Variants in PCDH9 observed in about 807,000 individuals in gnomAD.
PCDH9 encodes the protein protocadherin-9.
Under a neutral mutation model 70.6 loss-of-function variants are expected in PCDH9, and 24 were observed. The ratio of observed to expected loss-of-function variants is 0.34; its 90% CI spans 0.25 to 0.48. The LOEUF (loss-of-function observed/expected upper bound fraction) is 0.48, where lower values mean the gene tolerates loss of function less well. Among genes scored for constraint, PCDH9 ranks in the 20% least tolerant of loss-of-function variants. The probability of loss-of-function intolerance (pLI) is 0.99; values close to 1 mark genes in which losing one functional copy is unlikely to be tolerated. For missense variants in PCDH9, 1,281 were observed against 1,503.6 expected, an observed-to-expected ratio of 0.85 and a Z score of 2.45; for synonymous variants, 562 against 558.5, an observed-to-expected ratio of 1.01 and a Z score of -0.09.
In PCDH9 at chr13:66,304,714, G is replaced by T; in HGVS notation, c.3655C>A (p.Leu1219Met). 4.3e-6 allele frequency: 7 copies of T among 1,613,250 alleles called. No homozygotes were observed. The highest frequency in any genetic ancestry group is 5.9e-6 in the Non-Finnish European group (7 of 1,179,520). ...CCTCCTGCTTGCTTATAAGACTTCA[G>T]ATTTGCCAGAGGAATGTCTGTCATG... ...SHMTDIPLAN[L>M]KSYKQAGGAT... The change falls in exon 5 of 5, where the codon CTG becomes ATG. Residue 1219 changes from leucine (L) to methionine (M), a missense_variant. This residue lies in a region of PCDH9 where 264 missense variants were observed against 278.8 expected (regional missense o/e 0.95). Coordinates refer to ENST00000377865, the MANE Select transcript of PCDH9 (RefSeq NM_203487.3).
intron 2 of PCDH9, among the ~76,000 whole-genome samples, chr13:67,084,734 C>T (rs2086058906): frequency 6.6e-6 from 1 of 151,406 alleles, no homozygotes; most frequent in South Asian, 2.1e-4. Context: ...ACTTTGGTGG[C>T]TGAGGGGGGG....
intron 4 of PCDH9, among the ~76,000 whole-genome samples, chr13:66,491,433 C>CTGTG (rs1959032520): frequency 1.5e-5 from 1 of 67,474 alleles, no homozygotes; most frequent in Non-Finnish European, 3.3e-5. Flanking sequence ...GAGAGAGAGA[C>CTGTG]TGTGCTCAGT....
chr13:66,481,359 GATGAGTCAGCAGCCATCAAC>G (rs1958833466), intron 4 of PCDH9, among the ~76,000 whole-genome samples: 1 of 150,544 alleles, frequency 6.6e-6, no homozygotes, highest in Non-Finnish European at 1.5e-5. Flanking sequence ...TCATCACCCT[GATGAGTCAGCAGCCATCAAC>G]ATTGAGGCAG....
chr13:67,080,592 G>A (rs1188103005), intron 2 of PCDH9, among the ~76,000 whole-genome samples: 1 of 152,206 alleles, frequency 6.6e-6, no homozygotes, highest in Admixed American at 6.5e-5. Flanking sequence ...AAGGTTCAAT[G>A]TGATGCTGTT....
intron 2 of PCDH9, among the ~76,000 whole-genome samples, chr13:66,994,843 C>G (rs2084078804): frequency 6.6e-6 from 1 of 152,322 alleles, no homozygotes; most frequent in African/African-American, 2.4e-5. Context: ...CACATAGGAC[C>G]TGGCTATATT....
chr13:67,059,180 C>A (rs2085481966), intron 2 of PCDH9, among the ~76,000 whole-genome samples: 1 of 151,736 alleles, frequency 6.6e-6, no homozygotes, highest in African/African-American at 2.4e-5. Flanking sequence ...CATATAACTT[C>A]TTGCTACCCA....
intron 3 of PCDH9, among the ~76,000 whole-genome samples, chr13:66,835,013 C>T (rs1242264266): frequency 6.6e-6 from 1 of 152,170 alleles, no homozygotes; most frequent in Non-Finnish European, 1.5e-5. Flanking sequence ...GATCCATAAT[C>T]ATTACAGAAG....
intron 4 of PCDH9, among the ~76,000 whole-genome samples, chr13:66,430,016 T>C (rs1957743592): frequency 6.6e-6 from 1 of 152,094 alleles, no homozygotes; most frequent in African/African-American, 2.4e-5. Flanking sequence ...CTCTCTTGTA[T>C]ATAGATAGAT....
In PCDH9 at chr13:66,513,194, GTT is replaced by G. The variant is rs34958236; in HGVS notation, c.3340+118014_3340+118015del. On this transcript the variant is annotated intron_variant, in intron 4 of 4. Transcript: ENST00000377865. ...TCTGTTTGCCTATAAAATAACACGT[GTT>G]TTTTTTTTTTTTTCCTGTCAGGACA... Among the ~76,000 whole-genome samples, 759 of 136,596 alleles carry G rather than the reference GTT, an allele frequency of 5.6e-3. 29 individuals carry two copies. In the East Asian group the frequency reaches 0.095, roughly 17 times the overall value. The allele number at this position is 136,596 out of a possible 152,430, so 89.6% of individuals were successfully genotyped here.
chr13:66,524,418 AAT>A (rs1960128637), intron 4 of PCDH9, among the ~76,000 whole-genome samples: 1 of 151,848 alleles, frequency 6.6e-6, no homozygotes. Flanking sequence ...TATTCTTGTT[AAT>A]ATTGTGTACT....
intron 4 of PCDH9, among the ~76,000 whole-genome samples, chr13:66,491,385 TTGTGTGTGTGTG>T (rs71106974): frequency 7.4e-6 from 1 of 136,030 alleles, no homozygotes; most frequent in Non-Finnish European, 1.6e-5. Flanking sequence ...GCAGGAGATA[TTGTGTGTGTGTG>T]TGTGTGTGTG....
At chr13:66,394,813 T>C (rs1167391005) in intron 4 of PCDH9, among the ~76,000 whole-genome samples, 2 of 152,188 alleles carry the variant, frequency 1.3e-5, no homozygotes, top group Non-Finnish European at 2.9e-5. Context: ...GAATTAAAAG[T>C]ACAACTATGC....
chr13:66,399,160 T>C (rs1025037790), intron 4 of PCDH9, among the ~76,000 whole-genome samples: 1 of 152,200 alleles, frequency 6.6e-6, no homozygotes, highest in Non-Finnish European at 1.5e-5. Context: ...AATGAGAATG[T>C]ATATGAAATC....
intron 3 of PCDH9, among the ~76,000 whole-genome samples, chr13:66,652,699 A>G (rs2077870544): frequency 6.6e-6 from 1 of 152,172 alleles, no homozygotes; most frequent in Non-Finnish European, 1.5e-5. Context: ...AGAAAACTGG[A>G]GGAATCACAT....
chr13:66,866,514 A>T (rs186448244), intron 3 of PCDH9, among the ~76,000 whole-genome samples: 38 of 145,332 alleles, frequency 2.6e-4, no homozygotes, highest in Admixed American at 1.2e-3. Flanking sequence ...AAACTTGCTC[A>T]TGGCTGGGCA....
At chr13:66,618,902 C>T (rs1426678149) in intron 4 of PCDH9, among the ~76,000 whole-genome samples, 1 of 152,170 alleles carries the variant, frequency 6.6e-6, no homozygotes, top group African/African-American at 2.4e-5. Flanking sequence ...ATTACCCTTA[C>T]TTTACACTAG....
At chr13:66,951,491 G>A (rs760524642) in intron 2 of PCDH9, among the ~76,000 whole-genome samples, 2 of 152,146 alleles carry the variant, frequency 1.3e-5, no homozygotes, top group African/African-American at 4.8e-5. Flanking sequence ...TGAGAAATAA[G>A]CAGCAGTCAC....
intron 3 of PCDH9, among the ~76,000 whole-genome samples, chr13:66,778,826 G>A (rs1040061030): frequency 6.6e-5 from 10 of 152,130 alleles, no homozygotes; most frequent in Non-Finnish European, 1.0e-4. Flanking sequence ...TATGTTGTTA[G>A]TGCAATAATG....
At chr13:67,161,432 C>T (rs775651024) in intron 2 of PCDH9, among the ~76,000 whole-genome samples, 3 of 152,146 alleles carry the variant, frequency 2.0e-5, no homozygotes, top group South Asian at 2.1e-4. Context: ...TTTTCAGTGA[C>T]GGAAACACCT....
Sources: gnomAD v4.1 joint callset for allele counts (sites outside exome capture counted in the v4.1 genomes callset) on GRCh38, gnomAD v4.1.1 for gene constraint, gnomAD v4.1.1 regional missense constraint, MANE v1.5 for transcripts, NCBI Gene and HGNC (gene_info 2026-07-23, HGNC 2026-07-21) for gene names.